The following CUTC variants were observed in gnomAD, a reference collection of about 807,000 sequenced individuals.
The protein encoded by CUTC is cutC copper transporter, also known as copper homeostasis protein cutC homolog.
In CUTC, 27 loss-of-function variants were observed where a neutral mutation model predicts 36.2. That is an observed-to-expected ratio of 0.75 (90% CI 0.55 to 1.03). The LOEUF (loss-of-function observed/expected upper bound fraction) is 1.03, where lower values mean the gene tolerates loss of function less well. CUTC is among the 50% of genes least tolerant of loss of function. The pLI is 0.00. For synonymous variants in CUTC, 114 were observed against 118.3 expected (o/e 0.96, Z 0.24); for missense variants, 315 against 343.5 (o/e 0.92, Z 0.66).
chr10:99,747,279 A>T lies in CUTC; in HGVS notation c.462A>T (p.Pro154=). 3 of 1,614,154 alleles carry T rather than the reference A, an allele frequency of 1.9e-6. No homozygotes were observed. The highest frequency in any genetic ancestry group is 2.5e-6 in the Non-Finnish European group (3 of 1,180,010). The change falls in exon 6 of 9, where the codon CCA becomes CCT. Residue 154 remains proline (P), a synonymous_variant. Coordinates refer to ENST00000370476, the MANE Select transcript of CUTC (RefSeq NM_015960.3). ...CAGCCTTTGACATGGTTCATGATCCAATGGCAGCTCTGGAGACCCTCTTAA... is the reference window on the plus strand; with the variant it reads ...CAGCCTTTGACATGGTTCATGATCCTATGGCAGCTCTGGAGACCCTCTTAA... ...FHRAFDMVHD[P]MAALETLLTL...
chr10:99,736,146 G>T, intron 1 of CUTC, 100 bp from the exon 2 acceptor site: 1 of 865,860 alleles, frequency 1.2e-6, no homozygotes, highest in Non-Finnish European at 1.9e-6. Flanking sequence ...ACCTGTTATT[G>T]GACATTTGCA....
intron 6 of CUTC, 88 bp from the exon 7 acceptor site, chr10:99,750,281 C>G (rs2037406553): frequency 1.1e-6 from 1 of 896,090 alleles, no homozygotes; most frequent in African/African-American, 1.8e-5. Context: ...TTAATATATT[C>G]TGACTTATGT....
At position 99,732,273 on chromosome 10, in the gene CUTC, G is replaced by A. The variant is rs1378785634; in HGVS notation, c.-76G>A. On this transcript the variant is annotated 5_prime_UTR_variant, in exon 1 of 9. Coordinates refer to ENST00000370476, the MANE Select transcript of CUTC (RefSeq NM_015960.3). The stretch of plus-strand genomic sequence containing the variant: ...CACGGGCGCGCGCAGCTGTTGACGC[G>A]CTTCTTAGCTGGTGCGCGCCGGAGC... 1.3e-6 allele frequency: 2 copies of A among 1,538,614 alleles called. No homozygotes were observed. Among genetic ancestry groups the A allele is most frequent in the Non-Finnish European group, 1.8e-6 (2 of 1,140,986 alleles).
chr10:99,755,380 G>GAAAAAAAAAAAAAAAAAAAAAAAAAAAAA (rs386372234), intron 8 of CUTC, among the ~76,000 whole-genome samples: 1 of 122,006 alleles, frequency 8.2e-6, no homozygotes, highest in Non-Finnish European at 1.7e-5. Context: ...ATTTAAAAAG[G>GAAAAAAAAAAAAAAAAAAAAAAAAAAAAA]AAAAAAAAAA....
intron 2 of CUTC, among the ~76,000 whole-genome samples, chr10:99,737,682 A>G (rs2037307843): frequency 6.6e-6 from 1 of 152,156 alleles, no homozygotes; most frequent in Non-Finnish European, 1.5e-5. Flanking sequence ...GAATACAAAA[A>G]CATTCTTAGT....
At position 99,743,375 on chromosome 10, in the gene CUTC, A is replaced by G; in HGVS notation, c.403+13A>G. 6.2e-7 allele frequency: 1 copy of G among 1,604,226 alleles called. No individual in the cohort carries two copies. The highest frequency in any genetic ancestry group is 1.1e-5 in the South Asian group (1 of 90,772). On this transcript the variant is annotated intron_variant, in intron 4 of 8. Coordinates refer to ENST00000370476, the MANE Select transcript of CUTC (RefSeq NM_015960.3). ...ATGTCCCTTATGGGTAAGAATTTGTATCTAAGACGTAAAAGCCTCTAATGA... is the reference window on the plus strand; with the variant it reads ...ATGTCCCTTATGGGTAAGAATTTGTGTCTAAGACGTAAAAGCCTCTAATGA...
At chr10:99,743,026 A>T (rs2037351853) in intron 3 of CUTC, 127 bp from the exon 4 acceptor site, 1 of 782,606 alleles carries the variant, frequency 1.3e-6, no homozygotes. Flanking sequence ...ACCTTCTACC[A>T]TATATACATT....
chr10:99,741,049 A>T (rs2037337392), intron 3 of CUTC, among the ~76,000 whole-genome samples: 1 of 152,182 alleles, frequency 6.6e-6, no homozygotes, highest in African/African-American at 2.4e-5. Context: ...GGTTTGTTTC[A>T]TTTGATTTAT....
At chr10:99,739,687 T>G (rs1171304217) in intron 2 of CUTC, 23 bp from the exon 3 acceptor site, 1 of 1,605,434 alleles carries the variant, frequency 6.2e-7, no homozygotes, top group East Asian at 2.2e-5. Flanking sequence ...AAAAATGTGT[T>G]GAGCAATGCT....
chr10:99,753,374 A>T (rs2037432963), intron 7 of CUTC, among the ~76,000 whole-genome samples: 1 of 152,184 alleles, frequency 6.6e-6, no homozygotes, highest in Non-Finnish European at 1.5e-5. Flanking sequence ...TAAAGCCAGG[A>T]TTTCAGTCTA....
At chr10:99,739,624 A>G in intron 2 of CUTC, 86 bp from the exon 3 acceptor site, 1 of 1,252,956 alleles carries the variant, frequency 8.0e-7, no homozygotes, top group Non-Finnish European at 1.1e-6. Context: ...ACTGTTCTAT[A>G]TTTGGAAAAA....
At chr10:99,733,501 A>G (rs1040082228) in intron 1 of CUTC, among the ~76,000 whole-genome samples, 2 of 151,922 alleles carry the variant, frequency 1.3e-5, no homozygotes, top group Non-Finnish European at 2.9e-5. Flanking sequence ...AGACAGCTGG[A>G]TTCTCATGCC....
At chr10:99,751,550 A>T (rs1460241158) in intron 7 of CUTC, among the ~76,000 whole-genome samples, 1 of 32,856 alleles carries the variant, frequency 3.0e-5, no homozygotes, top group Non-Finnish European at 5.9e-5. Context: ...TTCTTGCTTT[A>T]AAAAAAAGTT....
chr10:99,747,476 A>C, intron 6 of CUTC, 86 bp downstream of exon 6: 1 of 1,482,280 alleles, frequency 6.7e-7, no homozygotes, highest in South Asian at 1.2e-5. Context: ...GTGAGACTAT[A>C]TATTACTGAC....
rs1355173631 is a variant in CUTC at position 99,736,262 on chromosome 10, T to C, written c.78T>C (p.Phe26=). ...GTATTTTAGGAGCAGCAAATGGATT[T>C]CTCATGGAAGTTTGTGTTGATTCAG... ...PSGKAGAANG[F]LMEVCVDSVE... The change falls in exon 2 of 9, where the codon TTT becomes TTC. Residue 26 remains phenylalanine (F), a synonymous_variant. Transcript: ENST00000370476. 7 of 1,613,916 alleles carry C rather than the reference T, an allele frequency of 4.3e-6. No homozygotes were observed. The highest frequency in any genetic ancestry group is 1.7e-5 in the Admixed American group (1 of 60,022).
Position 99,755,910 on chromosome 10 carries a change from G to C in CUTC, c.*171G>C. 1.8e-6 allele frequency: 1 copy of C among 553,810 alleles called. No individual in the cohort carries two copies. The highest frequency in any genetic ancestry group is 3.3e-5 in the Admixed American group (1 of 30,144). 34.3% of individuals were successfully genotyped at this position (553,810 alleles called of 1,614,324 possible). ...CCAAGAAGAAAAAGAATTTGAAACAGAGATACAGTCACTTCCTTTGCTTAG... is the reference window on the plus strand; with the variant it reads ...CCAAGAAGAAAAAGAATTTGAAACACAGATACAGTCACTTCCTTTGCTTAG... On this transcript the variant is annotated 3_prime_UTR_variant, in exon 9 of 9. Transcript: ENST00000370476.
chr10:99,740,505 C>T (rs2037333930), intron 3 of CUTC, among the ~76,000 whole-genome samples: 4 of 151,918 alleles, frequency 2.6e-5, no homozygotes. Flanking sequence ...AAGCTATCAT[C>T]CATATCTTTG....
In CUTC at chr10:99,732,299, C is replaced by T. The variant is rs985074355; in HGVS notation, c.-50C>T. 47 of 1,549,090 alleles carry T rather than the reference C, an allele frequency of 3.0e-5. No homozygotes were observed. Among genetic ancestry groups the T allele is most frequent in the Non-Finnish European group, 3.9e-5 (45 of 1,146,196 alleles). On this transcript the variant is annotated 5_prime_UTR_variant, in exon 1 of 9. Transcript: ENST00000370476. ...CTTCTTAGCTGGTGCGCGCCGGAGC[C>T]CAAATTCCAAGTGGAAACTGCAGGC...
chr10:99,753,621 G>A (rs890921972), intron 7 of CUTC, among the ~76,000 whole-genome samples: 1 of 152,148 alleles, frequency 6.6e-6, no homozygotes, highest in Non-Finnish European at 1.5e-5. Flanking sequence ...ATGTTGCCCA[G>A]GCTGGTCTCA....
Sources: allele counts gnomAD v4.1 joint callset (sites outside exome capture counted in the v4.1 genomes callset), GRCh38; gene constraint gnomAD v4.1.1; transcripts MANE v1.5; gene names NCBI Gene and HGNC (gene_info 2026-07-23, HGNC 2026-07-21).